Variants in RBMS3 observed in about 807,000 individuals in gnomAD.
RBMS3 encodes RNA-binding motif, single-stranded-interacting protein 3.
Under a neutral mutation model 66.8 loss-of-function variants are expected in RBMS3, and 27 were observed. The observed-to-expected ratio is 0.40, with a 90% CI of 0.30 to 0.56. RBMS3 has a LOEUF of 0.56. RBMS3 is among the 20% of genes least tolerant of loss of function. RBMS3 has a pLI of 0.40. For missense variants in RBMS3, 513 were observed against 549.5 expected, an observed-to-expected ratio of 0.93 and a Z score of 0.66; for synonymous variants, 188 against 183.0, an observed-to-expected ratio of 1.03 and a Z score of -0.22.
At chr3:29,624,393 G>T (rs1440561411) in intron 4 of RBMS3, among the ~76,000 whole-genome samples, 2 of 152,066 alleles carry the variant, frequency 1.3e-5, no homozygotes, top group Non-Finnish European at 2.9e-5. Flanking sequence ...GAGAATGAAA[G>T]TTAAAGGCCT....
At chr3:29,633,211 G>A (rs1321730628) in intron 4 of RBMS3, among the ~76,000 whole-genome samples, 1 of 150,594 alleles carries the variant, frequency 6.6e-6, no homozygotes, top group East Asian at 1.9e-4. Context: ...ATTTGTACTG[G>A]GGGAAATGCA....
At chr3:29,991,032 G>C (rs527570592) in intron 13 of RBMS3, 50 bp from the exon 14 acceptor site, 11 of 1,572,274 alleles carry the variant, frequency 7.0e-6, no homozygotes, top group Non-Finnish European at 9.6e-6. Flanking sequence ...TCTAGAGAGG[G>C]CCCTTCACTG....
intron 5 of RBMS3, among the ~76,000 whole-genome samples, chr3:29,745,248 G>T (rs1206001293): frequency 2.7e-5 from 4 of 150,794 alleles, no homozygotes; most frequent in Admixed American, 6.6e-5. Flanking sequence ...GTGTGTGTGT[G>T]TTTTTTTTTA....
rs1330376859 is a variant in RBMS3, at chr3:29,737,132, A to G, written c.400-2588A>G. The stretch of plus-strand genomic sequence containing the variant: ...GCTGGGACTACAGGCGCCCGCCACC[A>G]GGCTGTCTAACTTTTTGTATTTTTA... On this transcript the variant is annotated intron_variant, in intron 4 of 14. Coordinates refer to ENST00000383767, the MANE Select transcript of RBMS3 (RefSeq NM_001003793.3). 3.3e-5 allele frequency among the ~76,000 whole-genome samples: 5 copies of G among 151,936 alleles called. No homozygotes were observed. The East Asian group carries it at 7.7e-4, about 24-fold the overall frequency.
intron 3 of RBMS3, among the ~76,000 whole-genome samples, chr3:29,572,064 C>A (rs907249493): frequency 7.9e-5 from 12 of 151,578 alleles, no homozygotes; most frequent in Non-Finnish European, 1.6e-4. Context: ...TTTTAAATTT[C>A]TTTTTCAGAT....
intron 4 of RBMS3, among the ~76,000 whole-genome samples, chr3:29,659,642 G>T (rs951024170): frequency 1.3e-5 from 2 of 152,054 alleles, no homozygotes; most frequent in African/African-American, 4.8e-5. Flanking sequence ...TAGATACTTG[G>T]ATTGCTTCCA....
intron 4 of RBMS3, among the ~76,000 whole-genome samples, chr3:29,739,388 A>G (rs113628503): frequency 0.049 from 7,358 of 150,746 alleles, 239 homozygotes; most frequent in South Asian, 0.071. Flanking sequence ...CCCGGGAAGC[A>G]GAGCTTGCAG....
At chr3:29,668,306 C>A (rs1206208637) in intron 4 of RBMS3, among the ~76,000 whole-genome samples, 1 of 152,218 alleles carries the variant, frequency 6.6e-6, no homozygotes, top group African/African-American at 2.4e-5. Context: ...CTTAGGGTTA[C>A]ATACCTGTCT....
At chr3:29,546,812 G>A (rs980999844) in intron 3 of RBMS3, among the ~76,000 whole-genome samples, 1 of 152,072 alleles carries the variant, frequency 6.6e-6, no homozygotes, top group Non-Finnish European at 1.5e-5. Flanking sequence ...AGAGACTTTG[G>A]CACCTCTTCC....
intron 14 of RBMS3, among the ~76,000 whole-genome samples, chr3:29,993,804 T>C (rs1181557093): frequency 6.6e-6 from 1 of 152,250 alleles, no homozygotes; most frequent in African/African-American, 2.4e-5. Flanking sequence ...AGAATTACAC[T>C]GTTGGCTCTC....
intron 3 of RBMS3, among the ~76,000 whole-genome samples, chr3:29,522,349 T>C (rs2044892493): frequency 6.6e-6 from 1 of 152,072 alleles, no homozygotes; most frequent in Non-Finnish European, 1.5e-5. Flanking sequence ...CCCACCACCA[T>C]GCCCAGCTAA....
At chr3:29,492,054 G>A (rs2043568420) in intron 3 of RBMS3, among the ~76,000 whole-genome samples, 1 of 152,020 alleles carries the variant, frequency 6.6e-6, no homozygotes, top group South Asian at 2.1e-4. Context: ...ATACGAAGAA[G>A]GCAAAGTGAT....
chr3:29,928,716 A>G (rs962438456), intron 10 of RBMS3, among the ~76,000 whole-genome samples: 3 of 152,136 alleles, frequency 2.0e-5, no homozygotes, highest in Non-Finnish European at 2.9e-5. Context: ...AATAACTCCT[A>G]TGAATGAACC....
chr3:29,297,239 T>G (rs1195238291), intron 1 of RBMS3, among the ~76,000 whole-genome samples: 1 of 151,840 alleles, frequency 6.6e-6, no homozygotes, highest in East Asian at 1.9e-4. Context: ...AAAAATGTCT[T>G]GAGGATCAAT....
intron 4 of RBMS3, among the ~76,000 whole-genome samples, chr3:29,700,009 AT>A (rs1284519883): frequency 1.3e-5 from 2 of 152,008 alleles, no homozygotes; most frequent in Non-Finnish European, 2.9e-5. Context: ...TCATATTTAA[AT>A]TAGATGCATT....
chr3:29,323,354 AC>A (rs2035121333), intron 1 of RBMS3, among the ~76,000 whole-genome samples: 1 of 152,144 alleles, frequency 6.6e-6, no homozygotes, highest in Admixed American at 6.5e-5. Flanking sequence ...ATTATCTACA[AC>A]CACCATAGTA....
intron 4 of RBMS3, among the ~76,000 whole-genome samples, chr3:29,617,985 C>T (rs115096581): frequency 3.9e-4 from 60 of 152,014 alleles, no homozygotes; most frequent in African/African-American, 1.4e-3. Context: ...TACATGCTAC[C>T]TTTTTAGATA....
chr3:29,426,855 C>T (rs1575783898), intron 1 of RBMS3, among the ~76,000 whole-genome samples: 1 of 149,202 alleles, frequency 6.7e-6, no homozygotes, highest in Non-Finnish European at 1.5e-5. Flanking sequence ...CAAAGAATTA[C>T]TGAATATTGG....
chr3:29,999,571 T>C (rs1414017217), intron 14 of RBMS3, among the ~76,000 whole-genome samples: 2 of 152,198 alleles, frequency 1.3e-5, no homozygotes, highest in Non-Finnish European at 2.9e-5. Context: ...TGGAATACTA[T>C]GCAGCCACAA....
Sources: allele counts gnomAD v4.1 joint callset (sites outside exome capture counted in the v4.1 genomes callset), GRCh38; gene constraint gnomAD v4.1.1; transcripts MANE v1.5; gene names NCBI Gene and HGNC (gene_info 2026-07-23, HGNC 2026-07-21).